GSPT1: variants seen among roughly 807,000 people sequenced by gnomAD.
The protein encoded by GSPT1 is eukaryotic peptide chain release factor GTP-binding subunit ERF3A.
Under a neutral mutation model 72.5 loss-of-function variants are expected in GSPT1, and 20 were observed. The observed-to-expected ratio is 0.28, with a 90% CI of 0.19 to 0.40. The LOEUF is 0.40. Ranked by LOEUF, GSPT1 falls within the 10% of genes least tolerant of loss-of-function variation. The pLI, the probability that GSPT1 is intolerant of heterozygous loss-of-function variation, is 1.00. For missense variants in GSPT1, 580 were observed against 811.9 expected (o/e 0.71, Z 3.47); for synonymous variants, 334 against 293.5 (o/e 1.14, Z -1.41).
chr16:11,890,010 G>C (rs1386585390), intron 6 of GSPT1, among the ~76,000 whole-genome samples: 1 of 150,714 alleles, frequency 6.6e-6, no homozygotes, highest in Non-Finnish European at 1.5e-5. Context: ...GCCCAGGCTG[G>C]AGTGCAGTGG....
intron 6 of GSPT1, 48 bp from the exon 7 acceptor site, chr16:11,887,798 T>C (rs200087379): frequency 2.4e-6 from 3 of 1,247,972 alleles, no homozygotes; most frequent in Admixed American, 2.0e-5. Context: ...AACATCAGAG[T>C]TTTTAGGATA....
chr16:11,896,490 AG>A (rs762134027), intron 4 of GSPT1, 67 bp downstream of exon 4: 16 of 837,346 alleles, frequency 1.9e-5, no homozygotes, highest in Non-Finnish European at 3.1e-5. Flanking sequence ...AAACATCTCC[AG>A]GTAGCTAAAA....
chr16:11,903,327 A>G (rs1193397323), intron 1 of GSPT1, among the ~76,000 whole-genome samples: 1 of 152,014 alleles, frequency 6.6e-6, no homozygotes, highest in Admixed American at 6.6e-5. Context: ...CCTGGCCAAC[A>G]TGGTGAAACC....
chr16:11,894,013 AG>A (rs947728506), intron 5 of GSPT1, among the ~76,000 whole-genome samples: 1 of 151,680 alleles, frequency 6.6e-6, no homozygotes, highest in Non-Finnish European at 1.5e-5. Context: ...AAAATTAGCC[AG>A]GCTTGGTTGC....
At chr16:11,898,190 G>C (rs1014804213) in intron 1 of GSPT1, among the ~76,000 whole-genome samples, 155 bp from the exon 2 acceptor site, 4 of 152,156 alleles carry the variant, frequency 2.6e-5, no homozygotes, top group African/African-American at 9.7e-5. Context: ...CTTCAAGTTA[G>C]AAGTCTCTGC....
At chr16:11,916,642 A>C (rs1300631559), upstream of GSPT1, among the ~76,000 whole-genome samples, 1 of 152,264 alleles carries the variant, frequency 6.6e-6, no homozygotes, top group Non-Finnish European at 1.5e-5. Context: ...ATTCCGGCTT[A>C]AAACTGCAGT....
At chr16:11,887,257 G>A (rs539743183) in intron 7 of GSPT1, among the ~76,000 whole-genome samples, 6 of 152,182 alleles carry the variant, frequency 3.9e-5, no homozygotes, top group Admixed American at 2.0e-4. Context: ...ACTGAAGACC[G>A]TATGAAACAG....
intron 14 of GSPT1, among the ~76,000 whole-genome samples, chr16:11,873,926 A>C (rs2054007672): frequency 6.6e-6 from 1 of 152,226 alleles, no homozygotes; most frequent in Non-Finnish European, 1.5e-5. Flanking sequence ...AAAAGGGAAT[A>C]TCCGTATTTG....
Position 11,870,134 on chromosome 16 carries a change from G to A in GSPT1, c.*2985C>T, listed in dbSNP as rs1371713484. The A allele has an allele frequency of 6.6e-6, 1 of 151,662 alleles. No homozygotes were observed. The highest frequency in any genetic ancestry group is 1.5e-5 in the Non-Finnish European group (1 of 67,944). The allele number at this position is 151,662 out of a possible 1,614,324, so 9.4% of individuals were successfully genotyped here. ...TTCAACTCACAAAAAAAAAATACAT[G>A]GGCTTAATTACTCAGTAACACTTTA... On this transcript the variant is annotated 3_prime_UTR_variant, in exon 15 of 15. Coordinates refer to ENST00000434724, the MANE Select transcript of GSPT1 (RefSeq NM_002094.4).
Position 11,898,624 on chromosome 16 carries a change from T to G in GSPT1, c.353-589A>C, listed in dbSNP as rs2054369608. Among the ~76,000 whole-genome samples the G allele has an allele frequency of 3.3e-5, 5 of 152,234 alleles. No homozygotes were observed. In the South Asian group the frequency reaches 1.0e-3, roughly 32 times the overall value. Reference sequence around the variant, plus strand: ...ATGCCACCATGCCCGGCTAATTTTGTATTTTTAGTAGAGATGGGGTTTCGC... The same window carrying G: ...ATGCCACCATGCCCGGCTAATTTTGGATTTTTAGTAGAGATGGGGTTTCGC... On this transcript the variant is annotated intron_variant, in intron 1 of 14. Coordinates refer to ENST00000434724, the MANE Select transcript of GSPT1 (RefSeq NM_002094.4).
intron 1 of GSPT1, among the ~76,000 whole-genome samples, chr16:11,903,044 G>C (rs2054436017): frequency 6.6e-6 from 1 of 151,914 alleles, no homozygotes; most frequent in Non-Finnish European, 1.5e-5. Context: ...ACCCCAAAAG[G>C]AAACCCGTAT....
At chr16:11,897,214 G>A (rs2054351145) in intron 3 of GSPT1, among the ~76,000 whole-genome samples, 1 of 152,120 alleles carries the variant, frequency 6.6e-6, no homozygotes, top group Non-Finnish European at 1.5e-5. Flanking sequence ...TAAAACTTTG[G>A]CATCAACTTT....
intron 1 of GSPT1, among the ~76,000 whole-genome samples, chr16:11,899,168 A>C (rs190477132): frequency 6.6e-6 from 1 of 152,376 alleles, no homozygotes; most frequent in East Asian, 1.9e-4. Flanking sequence ...CACAGCAAGT[A>C]TGAAAAAATA....
Position 11,868,366 on chromosome 16 carries a change from T to G in GSPT1, c.*4753A>C, listed in dbSNP as rs7199134. ...TCAGTTCCCTTTAATCCTGTTTTTTTTTTTTTTTTTTAAATGAGATCTAGG... is the reference window on the plus strand; with the variant it reads ...TCAGTTCCCTTTAATCCTGTTTTTTGTTTTTTTTTTTAAATGAGATCTAGG... On this transcript the variant is annotated 3_prime_UTR_variant, in exon 15 of 15. Coordinates refer to ENST00000434724, the MANE Select transcript of GSPT1 (RefSeq NM_002094.4). The G allele has an allele frequency of 1.6e-3, 238 of 151,490 alleles. 2 individuals carry two copies. Among genetic ancestry groups the G allele is most frequent in the African/African-American group, 5.5e-3 (229 of 41,300 alleles). The allele number at this position is 151,490 out of a possible 1,614,324, so 9.4% of individuals were successfully genotyped here. A position where few individuals can be genotyped will look rare whatever the true frequency, so the allele number is the denominator to read the frequency against.
At chr16:11,894,139 G>C (rs113083369) in intron 5 of GSPT1, among the ~76,000 whole-genome samples, 163 of 93,998 alleles carry the variant, frequency 1.7e-3, no homozygotes, top group Non-Finnish European at 2.7e-3. Context: ...CTTGGTGACA[G>C]AATGAGACCC....
At chr16:11,885,814 C>G (rs2054180610) in intron 9 of GSPT1, among the ~76,000 whole-genome samples, 1 of 152,040 alleles carries the variant, frequency 6.6e-6, no homozygotes, top group Non-Finnish European at 1.5e-5. Flanking sequence ...ATCTCTTGAG[C>G]TGGGAGGCAG....
chr16:11,894,957 A>G lies in GSPT1; in HGVS notation c.695T>C (p.Ile232Thr). The change falls in exon 5 of 15, where the codon ATA becomes ACA. Residue 232 changes from isoleucine to threonine, a missense_variant. This residue lies in a region of GSPT1 where 51 missense variants were observed against 118.2 expected (regional missense o/e 0.43). Transcript: ENST00000434724. The stretch of plus-strand genomic sequence containing the variant: ...TTAACAAAAGATACAGACTTACATT[A>G]TTTGTCCTCCAATGGTTGACTTGCC... ...DAGKSTIGGQIMYLTGMVDKR... is the reference protein window; with the variant it reads ...DAGKSTIGGQTMYLTGMVDKR... 1 of 1,577,434 alleles carries G rather than the reference A, an allele frequency of 6.3e-7. No individual in the cohort carries two copies. The highest frequency in any genetic ancestry group is 8.7e-7 in the Non-Finnish European group (1 of 1,153,736).
In GSPT1 at chr16:11,902,854, C is replaced by T. The variant is rs142574988; in HGVS notation, c.353-4819G>A. On this transcript the variant is annotated intron_variant, in intron 1 of 14. Transcript: ENST00000434724. ...TGCCTGCCTCAGCCTCCCAAAGTCC[C>T]GGGATTACAGTCATGAGCCACCACA... Among the ~76,000 whole-genome samples the T allele has an allele frequency of 3.9e-4, 59 of 151,744 alleles. No homozygotes were observed. In the East Asian group the frequency reaches 6.6e-3, roughly 17 times the overall value.
chr16:11,900,266 G>C (rs2054389383), intron 1 of GSPT1, among the ~76,000 whole-genome samples: 1 of 150,978 alleles, frequency 6.6e-6, no homozygotes, highest in Non-Finnish European at 1.5e-5. Context: ...CCGGGAGGTG[G>C]AGGTTGCAGT....
Sources: gnomAD v4.1 joint callset for allele counts (sites outside exome capture counted in the v4.1 genomes callset) on GRCh38, gnomAD v4.1.1 for gene constraint, gnomAD v4.1.1 regional missense constraint, MANE v1.5 for transcripts, NCBI Gene and HGNC (gene_info 2026-07-23, HGNC 2026-07-21) for gene names.